SERINC5: variants seen among roughly 807,000 people sequenced by gnomAD.
SERINC5 encodes the protein serine incorporator 5.
In SERINC5, 41 loss-of-function variants were observed where a neutral mutation model predicts 63.1. The ratio of observed to expected loss-of-function variants is 0.65; its 90% CI spans 0.51 to 0.84. The LOEUF is 0.84. Among genes scored for constraint, SERINC5 ranks in the 40% least tolerant of loss-of-function variants. The pLI is 0.00. For synonymous variants in SERINC5, 222 were observed against 215.2 expected (o/e 1.03, Z -0.28); for missense variants, 523 against 573.0 (o/e 0.91, Z 0.89).
chr5:80,130,273 G>A (rs753034890), intron 11 of SERINC5, among the ~76,000 whole-genome samples: 3 of 152,006 alleles, frequency 2.0e-5, no homozygotes, highest in Non-Finnish European at 4.4e-5. Flanking sequence ...CCAGCTACTC[G>A]GGAGGCTGAG....
At chr5:80,209,367 A>G (rs1406774587) in intron 1 of SERINC5, among the ~76,000 whole-genome samples, 1 of 152,232 alleles carries the variant, frequency 6.6e-6, no homozygotes, top group Non-Finnish European at 1.5e-5. Context: ...ACACAGGGAC[A>G]GCACAACAAC....
downstream of SERINC5, among the ~76,000 whole-genome samples, chr5:80,134,135 T>C (rs1745058349): frequency 6.6e-6 from 1 of 152,160 alleles, no homozygotes; most frequent in Non-Finnish European, 1.5e-5. Flanking sequence ...CAGTTTATAG[T>C]TCCCAGGCTA....
chr5:80,214,722 C>T (rs1750588857), intron 1 of SERINC5, among the ~76,000 whole-genome samples: 1 of 152,098 alleles, frequency 6.6e-6, no homozygotes, highest in African/African-American at 2.4e-5. Context: ...CATGGTGAAA[C>T]TCTGTCTCTA....
At chr5:80,165,271 A>T (rs1444470443) in intron 7 of SERINC5, among the ~76,000 whole-genome samples, 1 of 152,162 alleles carries the variant, frequency 6.6e-6, no homozygotes, top group Non-Finnish European at 1.5e-5. Flanking sequence ...TCCACTATAA[A>T]CAGCAACAAG....
intron 1 of SERINC5, among the ~76,000 whole-genome samples, chr5:80,232,101 TAAAAAA>T (rs34890012): frequency 8.4e-5 from 10 of 119,498 alleles, no homozygotes; most frequent in Admixed American, 8.8e-5. Context: ...GATTCTGTCT[TAAAAAA>T]AAAAAAAAAA....
chr5:80,203,155 G>T, intron 1 of SERINC5, 102 bp from the exon 2 acceptor site: 1 of 1,153,798 alleles, frequency 8.7e-7, no homozygotes, highest in Non-Finnish European at 1.2e-6. Context: ...CTGCTACTCG[G>T]GGGGCTGGAG....
At chr5:80,158,704 G>T in intron 8 of SERINC5, 132 bp downstream of exon 8, 1 of 809,132 alleles carries the variant, frequency 1.2e-6, no homozygotes, top group Non-Finnish European at 1.9e-6. Flanking sequence ...CACGCTCTTC[G>T]CCTTTTTACT....
At chr5:80,247,790 G>A (rs1752227940) in intron 1 of SERINC5, among the ~76,000 whole-genome samples, 1 of 152,194 alleles carries the variant, frequency 6.6e-6, no homozygotes, top group Non-Finnish European at 1.5e-5. Context: ...ATGCCTGAAA[G>A]TGTGGATAGT....
downstream of SERINC5, among the ~76,000 whole-genome samples, chr5:80,136,195 A>C (rs1168675843): frequency 6.6e-6 from 1 of 152,142 alleles, no homozygotes; most frequent in Non-Finnish European, 1.5e-5. Flanking sequence ...GGGTGGAACA[A>C]TCACTTGAGC....
chr5:80,246,374 A>G (rs1457264504), intron 1 of SERINC5, among the ~76,000 whole-genome samples: 1 of 152,220 alleles, frequency 6.6e-6, no homozygotes, highest in Non-Finnish European at 1.5e-5. Flanking sequence ...TTTATAAAAA[A>G]ATGATACTTA....
chr5:80,200,396 G>A (rs1390133728), intron 2 of SERINC5, among the ~76,000 whole-genome samples: 1 of 151,526 alleles, frequency 6.6e-6, no homozygotes. Context: ...TGAGGCAGGA[G>A]AATGGCGTGA....
At chr5:80,153,603 T>C (rs139830573) in intron 8 of SERINC5, among the ~76,000 whole-genome samples, 2 of 152,244 alleles carry the variant, frequency 1.3e-5, no homozygotes, top group Non-Finnish European at 2.9e-5. Context: ...CTATAAGCCT[T>C]ACCTCTTCCT....
At chr5:80,159,111 T>G (rs768274552) in intron 7 of SERINC5, 149 bp from the exon 8 acceptor site, 2 of 738,930 alleles carry the variant, frequency 2.7e-6, no homozygotes, top group Non-Finnish European at 4.5e-6. Context: ...CTCTACAGGC[T>G]GTTTCCATGC....
chr5:80,253,519 C>G (rs1561458544), intron 1 of SERINC5, among the ~76,000 whole-genome samples: 1 of 152,198 alleles, frequency 6.6e-6, no homozygotes. Context: ...AATCCTCCCA[C>G]AGCCTCTCAC....
chr5:80,196,417 A>G (rs1749502830), intron 2 of SERINC5, among the ~76,000 whole-genome samples: 1 of 152,208 alleles, frequency 6.6e-6, no homozygotes, highest in Admixed American at 6.5e-5. Flanking sequence ...TTCATCCTGA[A>G]TATCCCACAT....
intron 4 of SERINC5, among the ~76,000 whole-genome samples, chr5:80,175,687 G>C (rs1747980860): frequency 6.6e-6 from 1 of 151,416 alleles, no homozygotes; most frequent in East Asian, 1.9e-4. Context: ...TGGCCTACAT[G>C]GTGAAACCCT....
intron 1 of SERINC5, among the ~76,000 whole-genome samples, chr5:80,230,691 T>C (rs146453589): frequency 6.6e-6 from 1 of 152,184 alleles, no homozygotes; most frequent in Admixed American, 6.5e-5. Context: ...TCTGTACCAG[T>C]TGGGAAACTT....
intron 8 of SERINC5, among the ~76,000 whole-genome samples, chr5:80,155,610 G>GAGAGAA (rs1011808513): frequency 6.7e-6 from 1 of 148,988 alleles, no homozygotes; most frequent in African/African-American, 2.5e-5. Flanking sequence ...GAGAGAGAGA[G>GAGAGAA]AAAACCATCA....
intron 2 of SERINC5, 78 bp from the exon 3 acceptor site, chr5:80,178,142 C>A: frequency 6.4e-6 from 5 of 777,980 alleles, no homozygotes; most frequent in Non-Finnish European, 1.0e-5. Context: ...ATGCAGCCAA[C>A]CACAACATCC....
Sources: allele counts gnomAD v4.1 joint callset (sites outside exome capture counted in the v4.1 genomes callset), GRCh38; gene constraint gnomAD v4.1.1; transcripts MANE v1.5; gene names NCBI Gene and HGNC (gene_info 2026-07-23, HGNC 2026-07-21).